The following SPRED2 variants were observed in gnomAD, a reference collection of about 807,000 sequenced individuals.
SPRED2 encodes sprouty related EVH1 domain containing 2.
A neutral mutation model predicts 43.0 loss-of-function variants in SPRED2; 47 were observed. That is an observed-to-expected ratio of 1.09 (90% CI 0.87 to 1.40). The LOEUF (loss-of-function observed/expected upper bound fraction) is 1.40. Among genes scored for constraint, SPRED2 ranks in the 40% most tolerant of loss-of-function variants. The probability of loss-of-function intolerance (pLI) is 0.00; values close to 1 mark genes in which losing one functional copy is unlikely to be tolerated. For synonymous variants in SPRED2, 225 were observed against 225.7 expected (o/e 1.00, Z 0.03); for missense variants, 561 against 586.4 (o/e 0.96, Z 0.45).
intron 5 of SPRED2, among the ~76,000 whole-genome samples, chr2:65,314,875 G>A (rs1673191273): frequency 6.6e-6 from 1 of 152,192 alleles, no homozygotes; most frequent in African/African-American, 2.4e-5. Context: ...CTGGTGAGAT[G>A]CGGACAGGAG....
At chr2:65,425,012 A>T (rs1676524451) in intron 1 of SPRED2, among the ~76,000 whole-genome samples, 1 of 152,246 alleles carries the variant, frequency 6.6e-6, no homozygotes, top group African/African-American at 2.4e-5. Flanking sequence ...CAAATACAAA[A>T]TAAACAGTGC....
At chr2:65,384,918 T>C (rs904031500) in intron 1 of SPRED2, among the ~76,000 whole-genome samples, 2 of 152,086 alleles carry the variant, frequency 1.3e-5, no homozygotes, top group African/African-American at 2.4e-5. Flanking sequence ...TGACACACAG[T>C]AGATCTGCTA....
intron 1 of SPRED2, among the ~76,000 whole-genome samples, chr2:65,349,785 GCCT>G (rs1430658393): frequency 1.3e-5 from 2 of 152,192 alleles, no homozygotes; most frequent in African/African-American, 2.4e-5. Context: ...GCACTCTGAG[GCCT>G]CCTCCTTCCT....
At position 65,432,023 on chromosome 2, in the gene SPRED2, C is replaced by G; in HGVS notation, c.-36G>C. 1.2e-6 allele frequency: 2 copies of G among 1,613,564 alleles called. No individual in the cohort carries two copies. The highest frequency in any genetic ancestry group is 1.7e-6 in the Non-Finnish European group (2 of 1,179,898). On this transcript the variant is annotated 5_prime_UTR_variant, in exon 1 of 6. Transcript: ENST00000356388. The stretch of plus-strand genomic sequence containing the variant: ...ACCTAGACGCCTGTCCCGCGGCGGG[C>G]AGCTTTGCTCCCTTCATCTTCCTGT...
chr2:65,428,217 C>G (rs1676600720), intron 1 of SPRED2, among the ~76,000 whole-genome samples: 1 of 152,204 alleles, frequency 6.6e-6, no homozygotes, highest in African/African-American at 2.4e-5. Context: ...TTTACGTAGG[C>G]TGTCTCATTT....
chr2:65,316,410 C>T (rs888138414), intron 5 of SPRED2, among the ~76,000 whole-genome samples: 2 of 152,220 alleles, frequency 1.3e-5, no homozygotes, highest in East Asian at 1.9e-4. Flanking sequence ...ATTTGAATCT[C>T]GTTCCATCAG....
In SPRED2 at chr2:65,430,866, C is replaced by CAA. The variant is rs35723262; in HGVS notation, c.26+1094_26+1095dup. ...ACAATAAAGGAGCGCGTCTTATTCA[C>CAA]AAAAAAAAAAAAGTGGCTGGTGGCG... On this transcript the variant is annotated intron_variant, in intron 1 of 5. Coordinates refer to ENST00000356388, the MANE Select transcript of SPRED2 (RefSeq NM_181784.3). Among the ~76,000 whole-genome samples the CAA allele has an allele frequency of 2.2e-3, 319 of 146,498 alleles. 2 individuals are homozygous for CAA. The highest frequency in any genetic ancestry group is 7.6e-3 in the African/African-American group (303 of 39,798).
chr2:65,412,857 C>T (rs1416255016), intron 1 of SPRED2, among the ~76,000 whole-genome samples: 1 of 152,220 alleles, frequency 6.6e-6, no homozygotes, highest in Admixed American at 6.5e-5. Flanking sequence ...CTCCCATGTC[C>T]TCATTTGGCA....
At chr2:65,365,937 T>C (rs1674957549) in intron 1 of SPRED2, among the ~76,000 whole-genome samples, 1 of 152,296 alleles carries the variant, frequency 6.6e-6, no homozygotes, top group African/African-American at 2.4e-5. Flanking sequence ...GTGAACGCTA[T>C]AATTAAATGT....
intron 1 of SPRED2, among the ~76,000 whole-genome samples, chr2:65,425,029 G>A (rs1252719316): frequency 2.0e-5 from 3 of 152,186 alleles, no homozygotes; most frequent in Non-Finnish European, 2.9e-5. Flanking sequence ...GTGCGTATCT[G>A]AAAAGTCAGT....
At chr2:65,321,504 TAAAAAAAAAAAA>T (rs70943644) in intron 4 of SPRED2, among the ~76,000 whole-genome samples, 1 of 55,778 alleles carries the variant, frequency 1.8e-5, no homozygotes, top group Non-Finnish European at 3.2e-5. Context: ...AGACCCTGTC[TAAAAAAAAAAAA>T]AAAAAAAAAA....
intron 4 of SPRED2, among the ~76,000 whole-genome samples, chr2:65,329,912 T>C (rs929637475): frequency 2.0e-5 from 3 of 152,168 alleles, no homozygotes; most frequent in African/African-American, 7.2e-5. Context: ...AAACCCCCTC[T>C]GCACACTCAG....
Position 65,313,391 on chromosome 2 carries a change from C to T in SPRED2, c.*110G>A. On this transcript the variant is annotated 3_prime_UTR_variant, in exon 6 of 6. Transcript: ENST00000356388. ...GAGGTACCAGGGAGCTGGGAGGCCG[C>T]TTGCCCTCCTCGCTCCTTGGAGTGG... 6.7e-7 allele frequency: 1 copy of T among 1,501,018 alleles called. No individual in the cohort carries two copies. Among genetic ancestry groups the T allele is most frequent in the Non-Finnish European group, 8.8e-7 (1 of 1,132,496 alleles). The allele number at this position is 1,501,018 out of a possible 1,614,324, so 93.0% of individuals were successfully genotyped here. A position where few individuals can be genotyped will look rare whatever the true frequency, so the allele number is the denominator to read the frequency against.
chr2:65,320,087 T>C (rs1007489322), intron 4 of SPRED2, among the ~76,000 whole-genome samples: 2 of 152,186 alleles, frequency 1.3e-5, no homozygotes, highest in Non-Finnish European at 2.9e-5. Context: ...AGTACAAAGG[T>C]TACTACAGAT....
intron 1 of SPRED2, among the ~76,000 whole-genome samples, chr2:65,431,221 A>ACT: frequency 6.6e-6 from 1 of 150,864 alleles, no homozygotes; most frequent in African/African-American, 2.4e-5. Flanking sequence ...TCACATACAC[A>ACT]CACACACACG....
intron 4 of SPRED2, among the ~76,000 whole-genome samples, chr2:65,318,503 C>A (rs1478423426): frequency 6.6e-6 from 1 of 151,360 alleles, no homozygotes; most frequent in Non-Finnish European, 1.5e-5. Flanking sequence ...CTTAGAGTGA[C>A]ATATCTCTCC....
chr2:65,350,677 T>C (rs1674482113), intron 1 of SPRED2, among the ~76,000 whole-genome samples: 1 of 152,152 alleles, frequency 6.6e-6, no homozygotes, highest in African/African-American at 2.4e-5. Flanking sequence ...ACATTGTAAG[T>C]CAGGATAGGA....
intron 2 of SPRED2, among the ~76,000 whole-genome samples, chr2:65,336,112 T>C: frequency 6.6e-6 from 1 of 152,160 alleles, no homozygotes. Context: ...CCCAGCACTT[T>C]TGGGGGCTGA....
intron 4 of SPRED2, 126 bp downstream of exon 4, chr2:65,331,861 G>T: frequency 3.0e-6 from 2 of 674,792 alleles, no homozygotes; most frequent in South Asian, 2.0e-5. Context: ...GACAGAGATC[G>T]CTCTGATGCC....
Sources: allele counts gnomAD v4.1 joint callset (sites outside exome capture counted in the v4.1 genomes callset), GRCh38; gene constraint gnomAD v4.1.1; transcripts MANE v1.5; gene names NCBI Gene and HGNC (gene_info 2026-07-23, HGNC 2026-07-21).